Variants in NLGN4X observed in about 807,000 individuals in gnomAD.
NLGN4X encodes neuroligin 4 X-linked.
A neutral mutation model predicts 40.3 loss-of-function variants in NLGN4X; 3 were observed. The observed-to-expected ratio is 0.07, with a 90% CI of 0.03 to 0.19. The LOEUF is 0.19. Among genes scored for constraint, NLGN4X ranks in the 10% least tolerant of loss-of-function variants. The probability of loss-of-function intolerance (pLI) is 1.00; values close to 1 mark genes in which losing one functional copy is unlikely to be tolerated. For missense variants in NLGN4X, 382 were observed against 708.3 expected (o/e 0.54, Z 5.23); for synonymous variants, 270 against 306.8 (o/e 0.88, Z 1.25).
chrX:6,030,935 T>C (rs905193148), intron 2 of NLGN4X, among the ~76,000 whole-genome samples: 1 of 111,784 alleles, frequency 8.9e-6, no homozygotes, highest in East Asian at 2.8e-4. Context: ...TAGTAAATTG[T>C]GGAAAAAAGA....
At chrX:6,072,313 G>A (rs143817301) in intron 2 of NLGN4X, among the ~76,000 whole-genome samples, 327 of 111,166 alleles carry the variant, frequency 2.9e-3, no homozygotes, top group African/African-American at 9.5e-3. Context: ...TGCAGAGAAC[G>A]CCCCTGTTTT....
chrX:6,006,800 C>A (rs1044658571), intron 3 of NLGN4X, among the ~76,000 whole-genome samples: 1 of 111,544 alleles, frequency 9.0e-6, no homozygotes, highest in Non-Finnish European at 1.9e-5. Flanking sequence ...AAAAGCAGCA[C>A]ATGTTGGCAA....
intron 1 of NLGN4X, among the ~76,000 whole-genome samples, chrX:6,190,999 T>G (rs922325683): frequency 9.0e-6 from 1 of 111,190 alleles, no homozygotes; most frequent in African/African-American, 3.3e-5. Context: ...GAGCAGACAA[T>G]TATTTCAAAA....
chrX:5,910,928 G>A lies in NLGN4X; in HGVS notation c.626-1689C>T, dbSNP rs750646512. 4.5e-5 allele frequency among the ~76,000 whole-genome samples: 5 copies of A among 111,134 alleles called. No individual in the cohort carries two copies. In the East Asian group the frequency reaches 1.1e-3, roughly 25 times the overall value. On this transcript the variant is annotated intron_variant, in intron 3 of 5. Coordinates refer to ENST00000381095, the MANE Select transcript of NLGN4X (RefSeq NM_181332.3). ...GAGATTAGCTACGATTAGTGGGTGC[G>A]ATCAGACATTACCCAAGCCTCCTCC...
intron 2 of NLGN4X, among the ~76,000 whole-genome samples, chrX:6,046,687 C>G (rs2037326255): frequency 9.1e-6 from 1 of 110,012 alleles, no homozygotes; most frequent in African/African-American, 3.3e-5. Flanking sequence ...ATATGGTCAG[C>G]TTTTACAATG....
chrX:6,084,640 A>G (rs1189684974), intron 2 of NLGN4X, among the ~76,000 whole-genome samples: 2 of 111,783 alleles, frequency 1.8e-5, no homozygotes, highest in Non-Finnish European at 3.8e-5. Flanking sequence ...ATGCGTTGAC[A>G]TGAATATTAT....
At chrX:5,909,815 G>A (rs958945723) in intron 3 of NLGN4X, among the ~76,000 whole-genome samples, 1 of 110,772 alleles carries the variant, frequency 9.0e-6, no homozygotes, top group Non-Finnish European at 1.9e-5. Flanking sequence ...CACTAGATCC[G>A]ACTCGTAAAT....
intron 5 of NLGN4X, among the ~76,000 whole-genome samples, chrX:5,900,587 TTTA>T (rs1248939564): frequency 1.9e-4 from 9 of 46,752 alleles, no homozygotes; most frequent in African/African-American, 4.8e-4. Flanking sequence ...TTTTTTTTTT[TTTA>T]AAGATAAAGG....
At chrX:6,019,577 T>C (rs1447867295) in intron 3 of NLGN4X, among the ~76,000 whole-genome samples, 2 of 111,852 alleles carry the variant, frequency 1.8e-5, no homozygotes, top group Admixed American at 1.9e-4. Flanking sequence ...TCCAATGTAC[T>C]TGAATTTGGC....
At chrX:6,056,509 C>T (rs755951609) in intron 2 of NLGN4X, among the ~76,000 whole-genome samples, 2 of 110,850 alleles carry the variant, frequency 1.8e-5, no homozygotes, top group East Asian at 2.8e-4. Flanking sequence ...AGATCAACAT[C>T]GTGTAAGTGC....
chrX:5,926,343 G>T (rs2033316982), intron 3 of NLGN4X, among the ~76,000 whole-genome samples: 1 of 110,183 alleles, frequency 9.1e-6, no homozygotes, highest in Non-Finnish European at 1.9e-5. Context: ...TCAGTGTGAG[G>T]ACAGATTAAT....
At chrX:5,899,760 G>A (rs746902168) in intron 5 of NLGN4X, among the ~76,000 whole-genome samples, 9 of 107,825 alleles carry the variant, frequency 8.3e-5, no homozygotes, top group African/African-American at 1.4e-4. Context: ...TTGGAAGTCA[G>A]GAAGAGCTAA....
intron 3 of NLGN4X, among the ~76,000 whole-genome samples, chrX:6,010,900 A>G (rs948415006): frequency 7.2e-5 from 8 of 111,524 alleles, no homozygotes; most frequent in Non-Finnish European, 1.5e-4. Context: ...ACCAAACAAC[A>G]AAAGGAAGCT....
chrX:6,158,997 T>C (rs750756893), intron 1 of NLGN4X, among the ~76,000 whole-genome samples: 3 of 112,226 alleles, frequency 2.7e-5, no homozygotes, highest in South Asian at 3.7e-4. Context: ...AATAGGATAA[T>C]GAATAAATAA....
chrX:6,032,696 T>C (rs980288264), intron 2 of NLGN4X: 2 of 1,188,396 alleles, frequency 1.7e-6, no homozygotes, highest in Admixed American at 2.2e-5. Context: ...AATACCTTCG[T>C]CTTCACCACG....
chrX:6,187,872 T>C (rs1922210409), intron 1 of NLGN4X: 1 of 112,071 alleles, frequency 8.9e-6, no homozygotes, highest in African/African-American at 3.2e-5. Flanking sequence ...GTAATTGACA[T>C]AAAATAATCT....
intron 2 of NLGN4X, among the ~76,000 whole-genome samples, chrX:6,072,815 T>C (rs748480682): frequency 9.0e-6 from 1 of 111,047 alleles, no homozygotes; most frequent in South Asian, 3.8e-4. Flanking sequence ...AATCTCCAAT[T>C]CCTTCTCTCC....
At chrX:6,057,228 A>G (rs748725557) in intron 2 of NLGN4X, among the ~76,000 whole-genome samples, 1 of 112,060 alleles carries the variant, frequency 8.9e-6, no homozygotes, top group Non-Finnish European at 1.9e-5. Context: ...TGATTTGCAT[A>G]GACTAAGCAG....
intron 3 of NLGN4X, 144 bp downstream of exon 3, chrX:6,029,136 T>A: frequency 1.5e-6 from 1 of 671,227 alleles, no homozygotes; most frequent in Admixed American, 2.6e-5. Flanking sequence ...AATAAACATA[T>A]CCAATCACAT....
Sources: gnomAD v4.1 joint callset for allele counts (sites outside exome capture counted in the v4.1 genomes callset) on GRCh38, gnomAD v4.1.1 for gene constraint, MANE v1.5 for transcripts, NCBI Gene and HGNC (gene_info 2026-07-23, HGNC 2026-07-21) for gene names.